GABRB1: variants seen among roughly 807,000 people sequenced by gnomAD.
The protein encoded by GABRB1 is gamma-aminobutyric acid receptor subunit beta-1.
In GABRB1, 17 loss-of-function variants were observed where a neutral mutation model predicts 51.6. That is an observed-to-expected ratio of 0.33 (90% CI 0.23 to 0.49). The LOEUF (loss-of-function observed/expected upper bound fraction) is 0.49. GABRB1 is among the 20% of genes least tolerant of loss of function. The probability of loss-of-function intolerance (pLI) is 0.99; values close to 1 mark genes in which losing one functional copy is unlikely to be tolerated. For synonymous variants in GABRB1, 247 were observed against 218.9 expected (o/e 1.13, Z -1.14); for missense variants, 410 against 600.6 (o/e 0.68, Z 3.32).
chr4:47,222,209 A>C (rs1196904139), intron 4 of GABRB1, among the ~76,000 whole-genome samples: 1 of 152,134 alleles, frequency 6.6e-6, no homozygotes, highest in Non-Finnish European at 1.5e-5. Context: ...TCAGTGACTG[A>C]CCACAAAAGC....
intron 3 of GABRB1, among the ~76,000 whole-genome samples, chr4:47,041,889 T>C (rs1417857190): frequency 2.6e-5 from 4 of 152,060 alleles, no homozygotes; most frequent in Admixed American, 2.6e-4. Context: ...TGCCTCTAGG[T>C]CTACTTCAAA....
chr4:47,137,972 T>C (rs921737407), intron 3 of GABRB1, among the ~76,000 whole-genome samples: 1 of 152,132 alleles, frequency 6.6e-6, no homozygotes, highest in African/African-American at 2.4e-5. Flanking sequence ...GTAATTGTGA[T>C]TAAGTGGACT....
At chr4:47,143,563 C>A (rs565640400) in intron 3 of GABRB1, among the ~76,000 whole-genome samples, 1 of 151,502 alleles carries the variant, frequency 6.6e-6, no homozygotes, top group Non-Finnish European at 1.5e-5. Context: ...TTCTAGAAAT[C>A]GTGTGAGTAC....
chr4:47,150,373 C>G (rs1048671865), intron 3 of GABRB1, among the ~76,000 whole-genome samples: 2 of 149,808 alleles, frequency 1.3e-5, no homozygotes, highest in Non-Finnish European at 3.0e-5. Flanking sequence ...CGCACATACA[C>G]ACACACAGAG....
intron 5 of GABRB1, among the ~76,000 whole-genome samples, chr4:47,336,074 A>G (rs1237826968): frequency 1.3e-5 from 2 of 152,216 alleles, no homozygotes; most frequent in Non-Finnish European, 2.9e-5. Flanking sequence ...AGAAAATGCC[A>G]TCGACCAAGT....
chr4:47,000,531 T>A (rs1724147066), intron 1 of GABRB1, among the ~76,000 whole-genome samples: 2 of 152,236 alleles, frequency 1.3e-5, no homozygotes, highest in Admixed American at 6.5e-5. Context: ...ATAGTTTGAC[T>A]AGGCTCATAT....
At chr4:47,228,447 G>T (rs1721027489) in intron 4 of GABRB1, among the ~76,000 whole-genome samples, 1 of 151,904 alleles carries the variant, frequency 6.6e-6, no homozygotes, top group South Asian at 2.1e-4. Flanking sequence ...TGCTTACCAG[G>T]TACTTTCTTC....
intron 3 of GABRB1, among the ~76,000 whole-genome samples, chr4:47,059,416 T>C (rs2109524481): frequency 6.6e-6 from 1 of 152,270 alleles, no homozygotes; most frequent in Non-Finnish European, 1.5e-5. Flanking sequence ...AAGCAGTCCT[T>C]CCATTTCACC....
intron 5 of GABRB1, among the ~76,000 whole-genome samples, chr4:47,367,526 G>A (rs1256345239): frequency 6.6e-6 from 1 of 152,160 alleles, no homozygotes; most frequent in Non-Finnish European, 1.5e-5. Flanking sequence ...AAAGAAAAAT[G>A]CTGGTAATTG....
At chr4:47,290,709 CTT>C (rs1429856927) in intron 4 of GABRB1, among the ~76,000 whole-genome samples, 1 of 152,084 alleles carries the variant, frequency 6.6e-6, no homozygotes, top group Non-Finnish European at 1.5e-5. Flanking sequence ...AAAGGTGACT[CTT>C]GTTATGTTTT....
At chr4:47,287,952 T>C (rs1210069081) in intron 4 of GABRB1, among the ~76,000 whole-genome samples, 1 of 152,206 alleles carries the variant, frequency 6.6e-6, no homozygotes, top group Non-Finnish European at 1.5e-5. Flanking sequence ...AGTGGAGCTT[T>C]CAGATATGAC....
intron 1 of GABRB1, among the ~76,000 whole-genome samples, chr4:47,014,569 G>A (rs538147243): frequency 2.6e-5 from 4 of 152,124 alleles, no homozygotes; most frequent in African/African-American, 7.2e-5. Flanking sequence ...CCACTTCTGG[G>A]TTGGACATCA....
At chr4:47,204,847 A>G (rs1720051186) in intron 4 of GABRB1, among the ~76,000 whole-genome samples, 1 of 152,164 alleles carries the variant, frequency 6.6e-6, no homozygotes, top group Non-Finnish European at 1.5e-5. Context: ...TAAATTGCCC[A>G]GTCTCAGGTT....
intron 3 of GABRB1, among the ~76,000 whole-genome samples, chr4:47,099,464 G>A (rs938800226): frequency 6.6e-6 from 1 of 152,060 alleles, no homozygotes; most frequent in African/African-American, 2.4e-5. Flanking sequence ...CTTTCCTTGA[G>A]CTAGATAAAT....
At chr4:47,344,018 A>G (rs1231066098) in intron 5 of GABRB1, among the ~76,000 whole-genome samples, 2 of 152,220 alleles carry the variant, frequency 1.3e-5, no homozygotes, top group African/African-American at 4.8e-5. Context: ...GCTTTAGATT[A>G]TATTACTAAA....
At chr4:47,288,873 A>G (rs1723616809) in intron 4 of GABRB1, among the ~76,000 whole-genome samples, 1 of 152,244 alleles carries the variant, frequency 6.6e-6, no homozygotes, top group South Asian at 2.1e-4. Context: ...GTCTACCCAG[A>G]GTTCACATTC....
chr4:47,313,444 T>C (rs1724777666), intron 4 of GABRB1, among the ~76,000 whole-genome samples: 1 of 152,150 alleles, frequency 6.6e-6, no homozygotes, highest in Admixed American at 6.5e-5. Flanking sequence ...TGTTAATTAA[T>C]GGTAGAAGTG....
At position 47,150,301 on chromosome 4, in the gene GABRB1, G is replaced by A. The variant is rs189084968; in HGVS notation, c.241-10948G>A. Reference sequence around the variant, plus strand: ...AAGTGAGCTAACTGAGATAGGATATGAGAATCCATCACACACACACACACA... The same window carrying A: ...AAGTGAGCTAACTGAGATAGGATATAAGAATCCATCACACACACACACACA... On this transcript the variant is annotated intron_variant, in intron 3 of 8. Coordinates refer to ENST00000295454, the MANE Select transcript of GABRB1 (RefSeq NM_000812.4). 4.3e-3 allele frequency among the ~76,000 whole-genome samples: 564 copies of A among 130,660 alleles called. 2 individuals are homozygous for A. Among genetic ancestry groups the A allele is most frequent in the Non-Finnish European group, 6.4e-3 (406 of 63,422 alleles). The allele number at this position is 130,660 out of a possible 152,430, so 85.7% of individuals were successfully genotyped here. A position where few individuals can be genotyped will look rare whatever the true frequency, so the allele number is the denominator to read the frequency against.
chr4:47,298,313 T>C (rs1396031009), intron 4 of GABRB1, among the ~76,000 whole-genome samples: 2 of 152,202 alleles, frequency 1.3e-5, no homozygotes, highest in South Asian at 2.1e-4. Flanking sequence ...TGTTTGCAGA[T>C]GACATGATTG....
Sources: gnomAD v4.1 joint callset for allele counts (sites outside exome capture counted in the v4.1 genomes callset) on GRCh38, gnomAD v4.1.1 for gene constraint, MANE v1.5 for transcripts, NCBI Gene and HGNC (gene_info 2026-07-23, HGNC 2026-07-21) for gene names.